Variants in ARHGEF12 observed in about 807,000 individuals in gnomAD.
ARHGEF12 encodes KMT2A/ARHGEF12 fusion protein.
In ARHGEF12, 66 loss-of-function variants were observed where a neutral mutation model predicts 211.2. That is an observed-to-expected ratio of 0.31 (90% CI 0.26 to 0.38). The LOEUF (loss-of-function observed/expected upper bound fraction) is 0.38. ARHGEF12 is among the 10% of genes least tolerant of loss of function. ARHGEF12 has a pLI of 1.00. For missense variants in ARHGEF12, 1,429 were observed against 1,869.5 expected, an observed-to-expected ratio of 0.76 and a Z score of 4.34; for synonymous variants, 592 against 638.4, an observed-to-expected ratio of 0.93 and a Z score of 1.09.
intron 10 of ARHGEF12, among the ~76,000 whole-genome samples, chr11:120,430,554 G>A (rs1318927904): frequency 6.6e-6 from 1 of 152,158 alleles, no homozygotes; most frequent in Admixed American, 6.5e-5. Context: ...CTTACATTCT[G>A]TAATATTCAG....
intron 2 of ARHGEF12, 54 bp from the exon 3 acceptor site, chr11:120,407,684 T>C (rs1211086164): frequency 7.2e-7 from 1 of 1,392,064 alleles, no homozygotes; most frequent in Non-Finnish European, 1.0e-6. Context: ...TTTTAAATTT[T>C]TTATTCTAAT....
intron 1 of ARHGEF12, chr11:120,337,561 T>G: frequency 3.0e-6 from 3 of 985,406 alleles, no homozygotes; most frequent in Non-Finnish European, 3.6e-6. Flanking sequence ...GATTGTGTAC[T>G]CGTCTGGAAA....
rs55651421 is a variant in ARHGEF12, at chr11:120,347,270, C to CTGTGTG, written c.32+10027_32+10032dup. On this transcript the variant is annotated intron_variant, in intron 1 of 40. Coordinates refer to ENST00000397843, the MANE Select transcript of ARHGEF12 (RefSeq NM_015313.3). ...TTTCTCTCTCTCTCTCTCTCTCTGT[C>CTGTGTG]TGTGTGTGTGTGTGTGTGTGTGTGT... is the stretch of plus-strand genomic sequence containing the variant. Among the ~76,000 whole-genome samples, 508 of 79,870 alleles carry CTGTGTG rather than the reference C, an allele frequency of 6.4e-3. 4 individuals are homozygous for CTGTGTG. The highest frequency in any genetic ancestry group is 7.6e-3 in the Non-Finnish European group (267 of 35,140). 52.4% of individuals were successfully genotyped at this position (79,870 alleles called of 152,430 possible).
At chr11:120,427,632 G>A (rs1351511666) in intron 7 of ARHGEF12, among the ~76,000 whole-genome samples, 4 of 150,574 alleles carry the variant, frequency 2.7e-5, no homozygotes, top group African/African-American at 9.8e-5. Flanking sequence ...AGATCGTGCC[G>A]CGGCACTCCA....
intron 26 of ARHGEF12, 108 bp downstream of exon 26, chr11:120,459,428 G>A: frequency 2.5e-6 from 3 of 1,183,650 alleles, no homozygotes; most frequent in Non-Finnish European, 3.5e-6. Context: ...GAGATTATGT[G>A]TGAGAATGTA....
At position 120,461,853 on chromosome 11, in the gene ARHGEF12, A is replaced by G. The variant is rs78544694; in HGVS notation, c.2613+1096A>G. On this transcript the variant is annotated intron_variant, in intron 27 of 40. Transcript: ENST00000397843. ...TAAATCTCATCAGTTTACCCCTGCTACCTTCAAACTCTTCGTCTGCAGCTT... is the reference window on the plus strand; with the variant it reads ...TAAATCTCATCAGTTTACCCCTGCTGCCTTCAAACTCTTCGTCTGCAGCTT... Among the ~76,000 whole-genome samples the G allele has an allele frequency of 8.4e-3, 1,285 of 152,314 alleles. 86 individuals are homozygous for G. In the South Asian group the frequency reaches 0.16, roughly 19 times the overall value.
chr11:120,359,606 T>C (rs1167961884), intron 1 of ARHGEF12, among the ~76,000 whole-genome samples: 1 of 152,222 alleles, frequency 6.6e-6, no homozygotes, highest in Non-Finnish European at 1.5e-5. Context: ...TACAAATATC[T>C]AGTGGACAAC....
chr11:120,441,986 T>C (rs1204670379), intron 14 of ARHGEF12, 118 bp from the exon 15 acceptor site: 2 of 851,418 alleles, frequency 2.3e-6, no homozygotes, highest in African/African-American at 3.4e-5. Context: ...TATATAGTAA[T>C]AACTACATTG....
At chr11:120,405,434 C>G (rs1944670706) in intron 1 of ARHGEF12, among the ~76,000 whole-genome samples, 1 of 152,082 alleles carries the variant, frequency 6.6e-6, no homozygotes, top group East Asian at 1.9e-4. Flanking sequence ...GTTCTTTCAG[C>G]TTATAGGACC....
intron 29 of ARHGEF12, among the ~76,000 whole-genome samples, chr11:120,468,222 G>T (rs903561478): frequency 5.3e-5 from 8 of 152,108 alleles, no homozygotes; most frequent in Admixed American, 3.9e-4. Context: ...CTGAAATCTT[G>T]TTTCTTGTGC....
chr11:120,458,661 A>G (rs1291476628), intron 25 of ARHGEF12: 1 of 199,442 alleles, frequency 5.0e-6, no homozygotes, highest in East Asian at 1.7e-4. Context: ...TTACCCTAGC[A>G]TGTATGTGAT....
intron 1 of ARHGEF12, among the ~76,000 whole-genome samples, chr11:120,340,945 C>T (rs1942516919): frequency 6.6e-6 from 1 of 152,150 alleles, no homozygotes; most frequent in Admixed American, 6.5e-5. Flanking sequence ...TGTTCATATT[C>T]AGTAAGGTGA....
chr11:120,447,188 G>A (rs895248055), intron 18 of ARHGEF12, 103 bp downstream of exon 18: 3 of 1,301,358 alleles, frequency 2.3e-6, no homozygotes, highest in Non-Finnish European at 3.1e-6. Context: ...GATTGTGTAT[G>A]TGGAGCCGTT....
intron 1 of ARHGEF12, among the ~76,000 whole-genome samples, chr11:120,395,858 A>G (rs1358857799): frequency 6.6e-6 from 1 of 152,154 alleles, no homozygotes; most frequent in Non-Finnish European, 1.5e-5. Flanking sequence ...GTGGGGACAC[A>G]GCCAAACCAT....
intron 1 of ARHGEF12, among the ~76,000 whole-genome samples, chr11:120,360,459 C>T (rs1011342069): frequency 9.9e-5 from 15 of 152,138 alleles, no homozygotes; most frequent in Non-Finnish European, 2.1e-4. Flanking sequence ...GTGATGCGGT[C>T]ATGGCTCGCT....
At chr11:120,452,933 G>A (rs975742976) in intron 22 of ARHGEF12, among the ~76,000 whole-genome samples, 13 of 151,424 alleles carry the variant, frequency 8.6e-5, no homozygotes, top group Non-Finnish European at 4.4e-5. Flanking sequence ...GAGGTGGGTG[G>A]AGGTTGCAGT....
In ARHGEF12 at chr11:120,485,831, T is replaced by C. The variant is rs1441324744; in HGVS notation, c.*754T>C. 4.3e-6 allele frequency: 1 copy of C among 233,336 alleles called. No homozygotes were observed. Among genetic ancestry groups the C allele is most frequent in the African/African-American group, 2.2e-5 (1 of 45,346 alleles). 14.5% of individuals were successfully genotyped at this position (233,336 alleles called of 1,614,324 possible). On this transcript the variant is annotated 3_prime_UTR_variant, in exon 41 of 41. Coordinates refer to ENST00000397843, the MANE Select transcript of ARHGEF12 (RefSeq NM_015313.3). ...CAATTAATAGGAATCCTCAACATAC[T>C]AAATAGCAGGCACTTGAAAATGGGT... is the stretch of plus-strand genomic sequence containing the variant.
intron 28 of ARHGEF12, among the ~76,000 whole-genome samples, chr11:120,465,752 T>C (rs1423372557): frequency 6.6e-6 from 1 of 152,246 alleles, no homozygotes; most frequent in Admixed American, 6.5e-5. Context: ...TGTGAGCCAC[T>C]GCACCTGGCC....
At chr11:120,445,717 G>A (rs1283505055) in intron 16 of ARHGEF12, among the ~76,000 whole-genome samples, 1 of 152,060 alleles carries the variant, frequency 6.6e-6, no homozygotes, top group Non-Finnish European at 1.5e-5. Flanking sequence ...TTGCCAACAT[G>A]GTGGAACCCT....
Sources: allele counts gnomAD v4.1 joint callset (sites outside exome capture counted in the v4.1 genomes callset), GRCh38; gene constraint gnomAD v4.1.1; transcripts MANE v1.5; gene names NCBI Gene and HGNC (gene_info 2026-07-23, HGNC 2026-07-21).